Variants in SLC23A2 observed in about 807,000 individuals in gnomAD.
The protein encoded by SLC23A2 is solute carrier family 23 member 2.
A neutral mutation model predicts 73.3 loss-of-function variants in SLC23A2; 36 were observed. That is an observed-to-expected ratio of 0.49 (90% CI 0.38 to 0.65). The LOEUF (loss-of-function observed/expected upper bound fraction) is 0.65. Ranked by LOEUF, SLC23A2 falls within the 30% of genes least tolerant of loss-of-function variation. SLC23A2 has a pLI of 0.00. For missense variants in SLC23A2, 507 were observed against 841.6 expected, an observed-to-expected ratio of 0.60 and a Z score of 4.92; for synonymous variants, 343 against 327.3, an observed-to-expected ratio of 1.05 and a Z score of -0.52.
intron 3 of SLC23A2, among the ~76,000 whole-genome samples, chr20:4,930,444 AC>A (rs1165411426): frequency 6.6e-6 from 1 of 152,230 alleles, no homozygotes; most frequent in Non-Finnish European, 1.5e-5. Context: ...AATTAGTTAA[AC>A]AGCTCTCTGA....
At chr20:5,009,836 C>T (rs2088229891) in intron 1 of SLC23A2, among the ~76,000 whole-genome samples, 1 of 152,174 alleles carries the variant, frequency 6.6e-6, no homozygotes. Context: ...TGGCTCACGC[C>T]TGTAATCCCA....
intron 1 of SLC23A2, among the ~76,000 whole-genome samples, chr20:5,006,698 C>A (rs2088195666): frequency 6.6e-6 from 1 of 151,680 alleles, no homozygotes; most frequent in Admixed American, 6.6e-5. Context: ...TTGCCACCAC[C>A]CCCCACTAAT....
chr20:4,925,273 T>C (rs540041662), intron 3 of SLC23A2, among the ~76,000 whole-genome samples: 2 of 152,234 alleles, frequency 1.3e-5, no homozygotes, highest in Admixed American at 6.5e-5. Context: ...TGGCACACAG[T>C]TCCTATTTTT....
chr20:4,996,807 A>T (rs989575340), intron 1 of SLC23A2, among the ~76,000 whole-genome samples: 2 of 151,966 alleles, frequency 1.3e-5, no homozygotes, highest in Non-Finnish European at 2.9e-5. Flanking sequence ...AGACACCTAG[A>T]TCTGAGGTCA....
chr20:4,953,818 G>A (rs1366357142), intron 2 of SLC23A2, among the ~76,000 whole-genome samples: 1 of 152,126 alleles, frequency 6.6e-6, no homozygotes, highest in Non-Finnish European at 1.5e-5. Context: ...AAACGCAGGA[G>A]GCGGAGGTTG....
At position 4,980,980 on chromosome 20, in the gene SLC23A2, C is replaced by T. The variant is rs1232746525; in HGVS notation, c.-281-10061G>A. Among the ~76,000 whole-genome samples the T allele has an allele frequency of 2.0e-5, 3 of 152,146 alleles. No homozygotes were observed. In the East Asian group the frequency reaches 5.8e-4, roughly 29 times the overall value. On this transcript the variant is annotated intron_variant, in intron 1 of 16. Transcript: ENST00000338244. ...CCGATATTTTTCCACTAATTCTGAC[C>T]TTAGTTCTAACCAATAGCTTCATAT...
At position 4,868,490 on chromosome 20, in the gene SLC23A2, A is replaced by T. The variant is rs1930295957; in HGVS notation, c.1251-615T>A. Among the ~76,000 whole-genome samples the T allele has an allele frequency of 6.6e-6, 1 of 152,248 alleles. No individual in the cohort carries two copies. The highest frequency in any genetic ancestry group is 2.4e-5 in the African/African-American group (1 of 41,460). On this transcript the variant is annotated intron_variant, in intron 12 of 16. Coordinates refer to ENST00000338244, the MANE Select transcript of SLC23A2 (RefSeq NM_005116.6). This position sits in a 1 kb window ranked among gnomAD's most constrained non-coding sequence, Gnocchi z 4.4. Reference sequence around the variant, plus strand: ...ACCGCAAATGAAAGCAAAGGATTTTAGCCAGAAAATAAAGCCATTTGTTGG... The same window carrying T: ...ACCGCAAATGAAAGCAAAGGATTTTTGCCAGAAAATAAAGCCATTTGTTGG...
chr20:4,955,996 A>G (rs2087282337), intron 2 of SLC23A2, among the ~76,000 whole-genome samples: 1 of 152,130 alleles, frequency 6.6e-6, no homozygotes, highest in South Asian at 2.1e-4. Flanking sequence ...TCAATAGCTC[A>G]ATTCTTAGTA....
chr20:4,879,920 C>T (rs1812021723), intron 9 of SLC23A2, among the ~76,000 whole-genome samples: 1 of 152,072 alleles, frequency 6.6e-6, no homozygotes, highest in South Asian at 2.1e-4. Flanking sequence ...ATACTAAGGC[C>T]CTTTTCTGAA....
chr20:4,863,838 A>C lies in SLC23A2; in HGVS notation c.1357-931T>G, dbSNP rs901151014. Among the ~76,000 whole-genome samples, 1 of 152,214 alleles carries C rather than the reference A, an allele frequency of 6.6e-6. No individual in the cohort carries two copies. The highest frequency in any genetic ancestry group is 2.4e-5 in the African/African-American group (1 of 41,450). On this transcript the variant is annotated intron_variant, in intron 13 of 16. Coordinates refer to ENST00000338244, the MANE Select transcript of SLC23A2 (RefSeq NM_005116.6). The surrounding 1 kb of genome is among the most constrained non-coding windows in gnomAD (Gnocchi z 4.8). ...TCACCCAAATGCTCCTCTGAAAAGC[A>C]TCCCAACTCCAGGACTATTCCCCCA...
At chr20:4,884,004 G>A (rs781367773) in intron 8 of SLC23A2, among the ~76,000 whole-genome samples, 181 bp from the exon 9 acceptor site, 2 of 152,200 alleles carry the variant, frequency 1.3e-5, no homozygotes, top group Non-Finnish European at 2.9e-5. Flanking sequence ...GCACTAACTG[G>A]GGCCTGCATT....
chr20:4,957,711 G>A (rs184956772), intron 2 of SLC23A2, among the ~76,000 whole-genome samples: 248 of 151,788 alleles, frequency 1.6e-3, no homozygotes, highest in Middle Eastern at 0.01. Flanking sequence ...GACCAGCCTG[G>A]CCAACATGGT....
At chr20:4,951,350 G>A (rs1412334571) in intron 2 of SLC23A2, among the ~76,000 whole-genome samples, 3 of 152,120 alleles carry the variant, frequency 2.0e-5, no homozygotes, top group Non-Finnish European at 4.4e-5. Context: ...CAGAGAAATG[G>A]CATCACAAAA....
intron 3 of SLC23A2, 68 bp from the exon 4 acceptor site, chr20:4,913,046 T>C: frequency 9.8e-7 from 1 of 1,021,010 alleles, no homozygotes; most frequent in Non-Finnish European, 1.5e-6. Context: ...GAAAGCCATT[T>C]GTAATTCTCC....
At chr20:4,976,861 A>C (rs1484046804) in intron 1 of SLC23A2, among the ~76,000 whole-genome samples, 1 of 152,050 alleles carries the variant, frequency 6.6e-6, no homozygotes, top group Non-Finnish European at 1.5e-5. Context: ...CTGTAGTCCC[A>C]GCTACTCAGG....
At position 4,932,631 on chromosome 20, in the gene SLC23A2, G is replaced by T. The variant is rs1181161691; in HGVS notation, c.-69C>A. 2 of 886,210 alleles carry T rather than the reference G, an allele frequency of 2.3e-6. No homozygotes were observed. The highest frequency in any genetic ancestry group is 4.8e-5 in the East Asian group (2 of 41,518). 54.9% of individuals were successfully genotyped at this position (886,210 alleles called of 1,614,324 possible). A position where few individuals can be genotyped will look rare whatever the true frequency, so the allele number is the denominator to read the frequency against. On this transcript the variant is annotated 5_prime_UTR_variant, in exon 3 of 17. Transcript: ENST00000338244. Reference sequence around the variant, plus strand: ...GGAAGTGAAGGCTTATTCAAGCTAGGAGCCCAGGATCAGCCGGCTCTTCTA... The same window carrying T: ...GGAAGTGAAGGCTTATTCAAGCTAGTAGCCCAGGATCAGCCGGCTCTTCTA...
chr20:4,892,632 C>G (rs1417615314), intron 6 of SLC23A2, among the ~76,000 whole-genome samples: 1 of 152,206 alleles, frequency 6.6e-6, no homozygotes, highest in Admixed American at 6.5e-5. Context: ...ACATCACCTA[C>G]ACAGTAATTT....
At chr20:4,950,932 T>C (rs1158186938) in intron 2 of SLC23A2, among the ~76,000 whole-genome samples, 1 of 152,186 alleles carries the variant, frequency 6.6e-6, no homozygotes, top group Non-Finnish European at 1.5e-5. Flanking sequence ...TGACACCACC[T>C]GACCAGAAGT....
chr20:5,008,571 A>T (rs2088215472), intron 1 of SLC23A2, among the ~76,000 whole-genome samples: 2 of 152,048 alleles, frequency 1.3e-5, no homozygotes, highest in Admixed American at 1.3e-4. Context: ...TACTCCCAGC[A>T]AATAACCTTG....
Sources: gnomAD v4.1 joint callset for allele counts (sites outside exome capture counted in the v4.1 genomes callset) on GRCh38, gnomAD v4.1.1 for gene constraint, Gnocchi (gnomAD v3.1) non-coding constraint, MANE v1.5 for transcripts, NCBI Gene and HGNC (gene_info 2026-07-23, HGNC 2026-07-21) for gene names.